Variants in TSNAX observed in about 807,000 individuals in gnomAD.
TSNAX encodes the protein translin associated factor X.
TSNAX carries 12 observed loss-of-function variants against 33.0 expected under a neutral mutation model. That is an observed-to-expected ratio of 0.36 (90% CI 0.23 to 0.59). The LOEUF (loss-of-function observed/expected upper bound fraction) is 0.59. TSNAX is among the 20% of genes least tolerant of loss of function. The pLI is 0.74. For synonymous variants in TSNAX, 110 were observed against 117.2 expected (o/e 0.94, Z 0.40); for missense variants, 267 against 341.3 (o/e 0.78, Z 1.72).
intron 4 of TSNAX, among the ~76,000 whole-genome samples, chr1:231,554,893 C>G (rs1161603577): frequency 6.6e-6 from 1 of 152,194 alleles, no homozygotes; most frequent in Admixed American, 6.5e-5. Context: ...CTTAACTTCT[C>G]TATGCCTCAA....
In TSNAX at chr1:231,566,000, T is replaced by G. The variant is rs532360509; in HGVS notation, c.*1095T>G. ...TGGAAATGCTTTTAGTAGTGATTAT[T>G]TAGCAATTTTTGTTTTTGTTATATT... is the stretch of plus-strand genomic sequence containing the variant. On this transcript the variant is annotated 3_prime_UTR_variant, in exon 6 of 6. Transcript: ENST00000366639. The G allele has an allele frequency of 1.3e-5, 2 of 152,250 alleles. No individual in the cohort carries two copies. The highest frequency in any genetic ancestry group is 4.1e-4 in the South Asian group (2 of 4,820). 9.4% of individuals were successfully genotyped at this position (152,250 alleles called of 1,614,324 possible).
At chr1:231,551,781 C>T (rs1421699228) in intron 4 of TSNAX, among the ~76,000 whole-genome samples, 2 of 147,254 alleles carry the variant, frequency 1.4e-5, no homozygotes, top group Non-Finnish European at 3.0e-5. Context: ...TAGCAAAACC[C>T]TGTCTCTACA....
chr1:231,530,050 GCT>G (rs1240274782), intron 2 of TSNAX, among the ~76,000 whole-genome samples: 1 of 152,334 alleles, frequency 6.6e-6, no homozygotes, highest in East Asian at 1.9e-4. Context: ...CCTGCAACCA[GCT>G]CTCTGTTCCT....
At chr1:231,562,250 TA>T (rs960530616) in intron 5 of TSNAX, among the ~76,000 whole-genome samples, 1 of 150,256 alleles carries the variant, frequency 6.7e-6, no homozygotes, top group African/African-American at 2.4e-5. Flanking sequence ...TTTTTTCTTT[TA>T]AAAATTATTT....
In TSNAX at chr1:231,565,074, C is replaced by A. The variant is rs1572156452; in HGVS notation, c.*169C>A. ...TGTACATAAAATTAGCCAAATGAAT[C>A]ATTTCTTATATCTTATTCATGAAAG... On this transcript the variant is annotated 3_prime_UTR_variant, in exon 6 of 6. Transcript: ENST00000366639. 3.7e-6 allele frequency: 3 copies of A among 812,936 alleles called. No individual in the cohort carries two copies. In the East Asian group the frequency reaches 8.3e-5, roughly 22 times the overall value. 50.4% of individuals were successfully genotyped at this position (812,936 alleles called of 1,614,324 possible).
rs1661343025 is a variant in TSNAX at position 231,565,137 on chromosome 1, T to C, written c.*232T>C. 1 of 459,336 alleles carries C rather than the reference T, an allele frequency of 2.2e-6. No individual in the cohort carries two copies. Among genetic ancestry groups the C allele is most frequent in the Non-Finnish European group, 3.8e-6 (1 of 265,474 alleles). 28.5% of individuals were successfully genotyped at this position (459,336 alleles called of 1,614,324 possible). A position where few individuals can be genotyped will look rare whatever the true frequency, so the allele number is the denominator to read the frequency against. On this transcript the variant is annotated 3_prime_UTR_variant, in exon 6 of 6. Transcript: ENST00000366639. ...TGTTTGCATATATGCCTTTTTGAAT[T>C]TTTGCTGGTTAACCTTTATCATTTA...
intron 2 of TSNAX, among the ~76,000 whole-genome samples, chr1:231,531,916 G>A (rs1375966749): frequency 6.6e-6 from 1 of 151,822 alleles, no homozygotes; most frequent in East Asian, 1.9e-4. Flanking sequence ...ACAATTAGCT[G>A]GGCATGACAG....
intron 3 of TSNAX, 122 bp from the exon 4 acceptor site, chr1:231,542,359 G>A: frequency 1.0e-6 from 1 of 965,662 alleles, no homozygotes; most frequent in Non-Finnish European, 1.5e-6. Context: ...GTTTTGAGTA[G>A]TTTTGAGTTA....
chr1:231,561,239 G>A lies in TSNAX; in HGVS notation c.479G>A (p.Gly160Glu). Residue 160 changes from glycine (G) to glutamate (E), a missense_variant, in exon 5 of 6, where the codon GGG (glycine) becomes GAG (glutamate). Around this residue, in one of 2 missense-constraint regions of TSNAX, gnomAD observed 200 missense variants for 214.1 expected, o/e 0.93. Transcript: ENST00000366639. ...TTGATATTTACGACTGAAGACAATG[G>A]GAAAGAAAATAAAACTGTGAGAATT... The part of the protein sequence containing the change: ...KQLIFTTEDN[G>E]KENKTPSSDA... 6.5e-7 allele frequency: 1 copy of A among 1,531,688 alleles called. No individual in the cohort carries two copies. Among genetic ancestry groups the A allele is most frequent in the Non-Finnish European group, 8.9e-7 (1 of 1,122,038 alleles). 94.9% of individuals were successfully genotyped at this position (1,531,688 alleles called of 1,614,324 possible). A position where few individuals can be genotyped will look rare whatever the true frequency, so the allele number is the denominator to read the frequency against.
rs1313949202 is a variant in TSNAX, at chr1:231,546,702, C to G, written c.367+4091C>G. Among the ~76,000 whole-genome samples the G allele has an allele frequency of 3.9e-5, 6 of 152,186 alleles. No homozygotes were observed. The East Asian group carries it at 7.7e-4, about 19-fold the overall frequency. ...TGTGACGTTGCAGTGACTTAACAAA[C>G]TAGAAATCGTTATCTTTCTCTCTTG... is the stretch of plus-strand genomic sequence containing the variant. On this transcript the variant is annotated intron_variant, in intron 4 of 5. Transcript: ENST00000366639.
chr1:231,560,938 G>T (rs1018344047), intron 4 of TSNAX, among the ~76,000 whole-genome samples, 190 bp from the exon 5 acceptor site: 2 of 151,980 alleles, frequency 1.3e-5, no homozygotes, highest in Admixed American at 6.6e-5. Context: ...GGGATTACAG[G>T]CGTGAGCCAC....
At chr1:231,538,402 T>C (rs1201120210) in intron 3 of TSNAX, among the ~76,000 whole-genome samples, 1 of 152,218 alleles carries the variant, frequency 6.6e-6, no homozygotes, top group Non-Finnish European at 1.5e-5. Flanking sequence ...TCAGAAAAAT[T>C]AGAACTTCCC....
At chr1:231,549,763 TTAA>T (rs1660178337) in intron 4 of TSNAX, among the ~76,000 whole-genome samples, 1 of 152,198 alleles carries the variant, frequency 6.6e-6, no homozygotes, top group Admixed American at 6.5e-5. Flanking sequence ...AGTAGTAAAA[TTAA>T]TAATACAAAT....
At chr1:231,561,698 A>G (rs1661127577) in intron 5 of TSNAX, among the ~76,000 whole-genome samples, 1 of 152,308 alleles carries the variant, frequency 6.6e-6, no homozygotes, top group East Asian at 1.9e-4. Context: ...GAAGTTAGGT[A>G]TTTTGAATCC....
chr1:231,532,691 T>C (rs905490259), intron 2 of TSNAX, among the ~76,000 whole-genome samples: 2 of 148,166 alleles, frequency 1.3e-5, no homozygotes, highest in African/African-American at 2.7e-5. Flanking sequence ...TGATAATCTC[T>C]TGTTTACTAA....
At chr1:231,551,985 A>G (rs1660332530) in intron 4 of TSNAX, among the ~76,000 whole-genome samples, 1 of 151,590 alleles carries the variant, frequency 6.6e-6, no homozygotes, top group Non-Finnish European at 1.5e-5. Context: ...GAGCAAGATC[A>G]TGTCTCTTTT....
chr1:231,542,746 T>A, intron 4 of TSNAX, 135 bp downstream of exon 4: 1 of 1,091,326 alleles, frequency 9.2e-7, no homozygotes, highest in Non-Finnish European at 1.3e-6. Context: ...AACTTTGTAG[T>A]AATATAGAAG....
chr1:231,548,404 C>T (rs1479942852), intron 4 of TSNAX, among the ~76,000 whole-genome samples: 1 of 152,134 alleles, frequency 6.6e-6, no homozygotes, highest in Non-Finnish European at 1.5e-5. Context: ...GGACATCCTC[C>T]CTTCAAGTCT....
intron 4 of TSNAX, among the ~76,000 whole-genome samples, chr1:231,543,622 C>T (rs1260425479): frequency 5.3e-5 from 8 of 152,074 alleles, no homozygotes; most frequent in Non-Finnish European, 8.8e-5. Flanking sequence ...AATACGAATA[C>T]CCAGTTTTAG....
Sources: allele counts gnomAD v4.1 joint callset (sites outside exome capture counted in the v4.1 genomes callset), GRCh38; gene constraint gnomAD v4.1.1; regional missense constraint gnomAD v4.1.1; transcripts MANE v1.5; gene names NCBI Gene and HGNC (gene_info 2026-07-23, HGNC 2026-07-21).